The following USP24 variants were observed in gnomAD, a reference collection of about 807,000 sequenced individuals.
USP24 encodes the protein ubiquitin carboxyl-terminal hydrolase 24.
A neutral mutation model predicts 361.6 loss-of-function variants in USP24; 97 were observed. That is an observed-to-expected ratio of 0.27 (90% CI 0.23 to 0.32). USP24 has a LOEUF of 0.32. USP24 is among the 10% of genes least tolerant of loss of function. USP24 has a pLI of 1.00. For synonymous variants in USP24, 1,098 were observed against 1,124.6 expected, an observed-to-expected ratio of 0.98 and a Z score of 0.47; for missense variants, 2,353 against 3,165.6, an observed-to-expected ratio of 0.74 and a Z score of 6.16.
At chr1:55,177,902 T>G in intron 2 of USP24, 65 bp downstream of exon 2, 1 of 1,452,540 alleles carries the variant, frequency 6.9e-7, no homozygotes. Context: ...CAACAAAGGC[T>G]AAGATTAAAC....
intron 56 of USP24, 107 bp from the exon 57 acceptor site, chr1:55,083,995 A>C: frequency 1.2e-6 from 1 of 865,542 alleles, no homozygotes; most frequent in South Asian, 1.7e-5. Flanking sequence ...GGAAAGTCTG[A>C]TACAATCCAG....
intron 42 of USP24, 92 bp downstream of exon 42, chr1:55,103,784 T>G: frequency 7.2e-7 from 1 of 1,388,296 alleles, no homozygotes. Context: ...TGACTTTCTT[T>G]GTGGTCAGCA....
chr1:55,162,415 T>C (rs1023367759), intron 7 of USP24, among the ~76,000 whole-genome samples, 151 bp from the exon 8 acceptor site: 4 of 152,184 alleles, frequency 2.6e-5, no homozygotes, highest in Non-Finnish European at 4.4e-5. Flanking sequence ...AACTCCTGGA[T>C]AGAAAGAATT....
chr1:55,201,725 G>A (rs1336299074), intron 1 of USP24, among the ~76,000 whole-genome samples: 1 of 151,770 alleles, frequency 6.6e-6, no homozygotes, highest in Non-Finnish European at 1.5e-5. Flanking sequence ...AACTCAAGAA[G>A]GGACGTTTAA....
intron 67 of USP24, among the ~76,000 whole-genome samples, chr1:55,070,601 T>A (rs541152060): frequency 6.6e-6 from 1 of 151,410 alleles, no homozygotes; most frequent in Admixed American, 6.6e-5. Flanking sequence ...GAAGAGCGAG[T>A]GAGAGATAAG....
At chr1:55,209,859 T>C (rs1021727363) in intron 1 of USP24, among the ~76,000 whole-genome samples, 13 of 152,138 alleles carry the variant, frequency 8.5e-5, no homozygotes, top group Admixed American at 3.3e-4. Context: ...ATTTTCTTAT[T>C]AAAAGTAAAA....
rs772865911 is a variant in USP24, at chr1:55,075,625, GACAACAACAACA to G, written c.7381-114_7381-103del. 7.2e-5 allele frequency: 45 copies of G among 624,572 alleles called. No homozygotes were observed. In the African/African-American group the frequency reaches 7.3e-4, roughly 10 times the overall value. 38.7% of individuals were successfully genotyped at this position (624,572 alleles called of 1,614,324 possible). On this transcript the variant is annotated intron_variant, in intron 62 of 67. Coordinates refer to ENST00000294383, the MANE Select transcript of USP24 (RefSeq NM_015306.3). The stretch of plus-strand genomic sequence containing the variant: ...TACCCAAGAGATTAATTTAGTGTTT[GACAACAACAACA>G]ACAACAACAACAACAACAACAACAA...
In USP24 at chr1:55,117,712, C is replaced by T. The variant is rs558852962; in HGVS notation, c.4508+2884G>A. Among the ~76,000 whole-genome samples the T allele has an allele frequency of 5.0e-5, 6 of 120,778 alleles. No individual in the cohort carries two copies. In the South Asian group the frequency reaches 8.7e-4, roughly 17 times the overall value. The allele number at this position is 120,778 out of a possible 152,430, so 79.2% of individuals were successfully genotyped here. Reference sequence around the variant, plus strand: ...GATTGCGCCACTGCAGTCCGCAGTCCGGCCTGGGCGACAGAGCGAGACTCC... The same window carrying T: ...GATTGCGCCACTGCAGTCCGCAGTCTGGCCTGGGCGACAGAGCGAGACTCC... On this transcript the variant is annotated intron_variant, in intron 38 of 67. Transcript: ENST00000294383.
At position 55,086,054 on chromosome 1, in the gene USP24, A is replaced by C; in HGVS notation, c.6669-16T>G. 6.2e-7 allele frequency: 1 copy of C among 1,612,702 alleles called. No individual in the cohort carries two copies. The highest frequency in any genetic ancestry group is 8.5e-7 in the Non-Finnish European group (1 of 1,178,904). On this transcript the variant is annotated splice_polypyrimidine_tract_variant and intron_variant, in intron 55 of 67. Transcript: ENST00000294383. ...TAAGAAAATCCTGAAAGAAAGAGAA[A>C]GGTGGTGTGAAAAAGCAAGATACAT...
chr1:55,159,171 C>A (rs907516228), intron 9 of USP24, 135 bp from the exon 10 acceptor site: 15 of 820,408 alleles, frequency 1.8e-5, no homozygotes, highest in Middle Eastern at 2.9e-4. Context: ...CAATTAACTT[C>A]ATTTTGCTTA....
In USP24 at chr1:55,083,820, A is replaced by T; in HGVS notation, c.6834T>A (p.Cys2278Ter). The change falls in exon 57 of 68, where the codon TGT becomes TGA. Residue 2278 changes from cysteine (C) to a stop codon, truncating the protein, a stop_gained. Coordinates refer to ENST00000294383, the MANE Select transcript of USP24 (RefSeq NM_015306.3). LOFTEE classifies it high-confidence loss of function. ...GGAAAAAGTACTGAGCACAGTTTTTACAATTTTCTGGGACGTCTTTGTCCA... is the reference window on the plus strand; with the variant it reads ...GGAAAAAGTACTGAGCACAGTTTTTTCAATTTTCTGGGACGTCTTTGTCCA... ...ALLDKDVPENCKNCAQYFFLF... is the reference protein window; with the variant it reads ...ALLDKDVPEN 6.2e-7 allele frequency: 1 copy of T among 1,605,252 alleles called. No homozygotes were observed. Among genetic ancestry groups the T allele is most frequent in the Non-Finnish European group, 8.5e-7 (1 of 1,175,584 alleles).
intron 1 of USP24, among the ~76,000 whole-genome samples, chr1:55,183,904 G>C (rs1053539670): frequency 6.6e-6 from 1 of 152,096 alleles, no homozygotes; most frequent in Middle Eastern, 3.4e-3. Flanking sequence ...ATAATAAAAA[G>C]GTCAATACAA....
chr1:55,128,375 C>G (rs1213430541), intron 32 of USP24, among the ~76,000 whole-genome samples: 1 of 152,120 alleles, frequency 6.6e-6, no homozygotes, highest in Non-Finnish European at 1.5e-5. Flanking sequence ...TTTTCATGGA[C>G]TACAAGACAA....
At chr1:55,112,569 T>A (rs1391920177) in intron 38 of USP24, among the ~76,000 whole-genome samples, 1 of 152,228 alleles carries the variant, frequency 6.6e-6, no homozygotes, top group Non-Finnish European at 1.5e-5. Flanking sequence ...TCAGTTTCCA[T>A]GTAGTTGTGC....
At chr1:55,114,919 T>C (rs1369514554) in intron 38 of USP24, among the ~76,000 whole-genome samples, 1 of 152,124 alleles carries the variant, frequency 6.6e-6, no homozygotes, top group African/African-American at 2.4e-5. Flanking sequence ...TGAAAGAGCT[T>C]CTGCACAGCA....
Position 55,177,831 on chromosome 1 carries a change from G to A in USP24, c.490+136C>T, listed in dbSNP as rs538223931. ...TAATTTGGTTCAAAGCTTTTCTTCT[G>A]CAGGAGATAAGTGAAGACTAAGAGA... On this transcript the variant is annotated intron_variant, in intron 2 of 67. Transcript: ENST00000294383. 13 of 759,762 alleles carry A rather than the reference G, an allele frequency of 1.7e-5. No homozygotes were observed. The South Asian group carries it at 3.1e-4, about 18-fold the overall frequency. The allele number at this position is 759,762 out of a possible 1,614,324, so 47.1% of individuals were successfully genotyped here.
intron 1 of USP24, among the ~76,000 whole-genome samples, chr1:55,202,307 G>A (rs556513686): frequency 5.7e-4 from 87 of 152,152 alleles, no homozygotes; most frequent in African/African-American, 1.9e-3. Flanking sequence ...CACAGAGAAC[G>A]AAAAGGCTAT....
chr1:55,157,362 T>C lies in USP24; in HGVS notation c.1236A>G (p.Lys412=), dbSNP rs2100751728. 6.4e-7 allele frequency: 1 copy of C among 1,566,980 alleles called. No individual in the cohort carries two copies. Among genetic ancestry groups the C allele is most frequent in the Non-Finnish European group, 8.6e-7 (1 of 1,156,150 alleles). The change falls in exon 11 of 68, where the codon AAA becomes AAG. Residue 412 remains lysine (K), a synonymous_variant. Coordinates refer to ENST00000294383, the MANE Select transcript of USP24 (RefSeq NM_015306.3). The part of the protein sequence containing the change: ...AKMNSLKEVT[K]LIEDSTLSKS... ...TGGATAAAGTGCTATCTTCTATTAGTTTGGTTACCTAAAAAGATAAGATTA... is the reference window on the plus strand; with the variant it reads ...TGGATAAAGTGCTATCTTCTATTAGCTTGGTTACCTAAAAAGATAAGATTA...
In USP24 at chr1:55,074,109, A is replaced by T. The variant is rs1348991664; in HGVS notation, c.7448-203T>A. 3.4e-4 allele frequency among the ~76,000 whole-genome samples: 2 copies of T among 5,820 alleles called. No individual in the cohort carries two copies. Among genetic ancestry groups the T allele is most frequent in the African/African-American group, 6.4e-4 (1 of 1,574 alleles). 3.8% of individuals were successfully genotyped at this position (5,820 alleles called of 152,430 possible). On this transcript the variant is annotated intron_variant, in intron 63 of 67. Coordinates refer to ENST00000294383, the MANE Select transcript of USP24 (RefSeq NM_015306.3). Reference sequence around the variant, plus strand: ...GGAAACACTACTTTAAGTATGTTTAAAAAAAAAAAAAAAAAAAAACCACAA... The same window carrying T: ...GGAAACACTACTTTAAGTATGTTTATAAAAAAAAAAAAAAAAAAACCACAA...
Sources: allele counts gnomAD v4.1 joint callset (sites outside exome capture counted in the v4.1 genomes callset), GRCh38; gene constraint gnomAD v4.1.1; transcripts MANE v1.5; gene names NCBI Gene and HGNC (gene_info 2026-07-23, HGNC 2026-07-21).